The following PDE10A variants were observed in gnomAD, a reference collection of about 807,000 sequenced individuals.
PDE10A encodes cAMP and cAMP-inhibited cGMP 3',5'-cyclic phosphodiesterase 10A.
Under a neutral mutation model 97.7 loss-of-function variants are expected in PDE10A, and 39 were observed. That is an observed-to-expected ratio of 0.40 (90% CI 0.31 to 0.52). The LOEUF is 0.52. Ranked by LOEUF, PDE10A falls within the 20% of genes least tolerant of loss-of-function variation. PDE10A has a pLI of 0.56. For missense variants in PDE10A, 731 were observed against 1,047.8 expected (o/e 0.70, Z 4.17); for synonymous variants, 371 against 376.8 (o/e 0.98, Z 0.18).
intron 1 of PDE10A, among the ~76,000 whole-genome samples, chr6:165,723,985 A>T (rs1372773315): frequency 6.6e-6 from 1 of 152,208 alleles, no homozygotes; most frequent in East Asian, 1.9e-4. Flanking sequence ...GCGATTCCAC[A>T]ATCAGGGCTA....
chr6:165,666,902 T>G (rs918715758), upstream of PDE10A, among the ~76,000 whole-genome samples: 1 of 152,206 alleles, frequency 6.6e-6, no homozygotes, highest in Non-Finnish European at 1.5e-5. Flanking sequence ...ATTCATAGCC[T>G]TTAATGAAGG....
At position 165,418,193 on chromosome 6, in the gene PDE10A, T is replaced by A. The variant is rs1371295608; in HGVS notation, c.1796+442A>T. On this transcript the variant is annotated intron_variant, in intron 11 of 21. Coordinates refer to ENST00000539869, the MANE Select transcript of PDE10A (RefSeq NM_001385079.1). This position sits in a 1 kb window ranked among gnomAD's most constrained non-coding sequence, Gnocchi z 4.8. The stretch of plus-strand genomic sequence containing the variant: ...AAAACAGCTGGTCAGTCACAGAGTG[T>A]ATTTAAGTCATCAAATATACCAGAT... 6.6e-6 allele frequency among the ~76,000 whole-genome samples: 1 copy of A among 152,218 alleles called. No homozygotes were observed. The highest frequency in any genetic ancestry group is 2.4e-5 in the African/African-American group (1 of 41,458).
chr6:165,644,272 A>G (rs1789284748), intron 1 of PDE10A, among the ~76,000 whole-genome samples: 2 of 152,156 alleles, frequency 1.3e-5, no homozygotes, highest in Admixed American at 6.5e-5. Context: ...TGTGTTAGCC[A>G]GGATGGTCTC....
At chr6:165,656,254 TCTCTCACACA>T (rs1334188927) in intron 1 of PDE10A, among the ~76,000 whole-genome samples, 18 of 101,080 alleles carry the variant, frequency 1.8e-4, no homozygotes, top group Admixed American at 1.5e-3. Context: ...TCTCTCTCTC[TCTCTCACACA>T]CACACACACA....
At chr6:165,369,076 T>C (rs1784022774) in intron 18 of PDE10A, among the ~76,000 whole-genome samples, 1 of 151,956 alleles carries the variant, frequency 6.6e-6, no homozygotes, top group Admixed American at 6.6e-5. Context: ...AAAACCCATC[T>C]GTACATCACC....
chr6:165,678,700 C>A (rs1399918540), intron 1 of PDE10A, among the ~76,000 whole-genome samples: 1 of 152,204 alleles, frequency 6.6e-6, no homozygotes, highest in Non-Finnish European at 1.5e-5. Context: ...CTTCCGCCCA[C>A]ACTCAGCATC....
intron 1 of PDE10A, among the ~76,000 whole-genome samples, chr6:165,720,311 C>A (rs1792133408): frequency 6.6e-6 from 1 of 152,110 alleles, no homozygotes; most frequent in African/African-American, 2.4e-5. Flanking sequence ...TGAATTGCAG[C>A]ATGTCCTGCT....
rs57923490 is a variant in PDE10A at position 165,645,853 on chromosome 6, C to CA, written c.865+16093dup. Among the ~76,000 whole-genome samples, 236 of 101,216 alleles carry CA rather than the reference C, an allele frequency of 2.3e-3. 5 individuals are homozygous for CA. Among genetic ancestry groups the CA allele is most frequent in the Middle Eastern group, 8.5e-3 (1 of 118 alleles). The allele number at this position is 101,216 out of a possible 152,430, so 66.4% of individuals were successfully genotyped here. On this transcript the variant is annotated intron_variant, in intron 1 of 21. Coordinates refer to ENST00000539869, the MANE Select transcript of PDE10A (RefSeq NM_001385079.1). ...TGGGCAGCAGAGCAAGACTCCATCTCAAAAAAAAAAAAAAAAGTTTACTTC... is the reference window on the plus strand; with the variant it reads ...TGGGCAGCAGAGCAAGACTCCATCTCAAAAAAAAAAAAAAAAAGTTTACTTC...
intron 1 of PDE10A, among the ~76,000 whole-genome samples, chr6:165,621,207 A>C (rs1562636948): frequency 6.6e-6 from 1 of 151,910 alleles, no homozygotes; most frequent in Non-Finnish European, 1.5e-5. Flanking sequence ...CATTAAGTTC[A>C]GTATATTTTA....
intron 1 of PDE10A, among the ~76,000 whole-genome samples, chr6:165,563,479 T>A (rs1471878300): frequency 6.6e-6 from 1 of 152,138 alleles, no homozygotes; most frequent in African/African-American, 2.4e-5. Flanking sequence ...GTTTCTTGAG[T>A]GATGCAGCCT....
At chr6:165,636,278 T>C (rs757733768) in intron 1 of PDE10A, among the ~76,000 whole-genome samples, 1 of 152,124 alleles carries the variant, frequency 6.6e-6, no homozygotes, top group Admixed American at 6.6e-5. Context: ...TCACTGGCTA[T>C]GTGAAAAGGA....
chr6:165,903,150 G>A (rs1782160924), intron 1 of PDE10A, among the ~76,000 whole-genome samples: 1 of 152,186 alleles, frequency 6.6e-6, no homozygotes, highest in Admixed American at 6.5e-5. Context: ...ATGTTTGTAA[G>A]TTAGGTGGGG....
chr6:165,812,166 T>C lies in PDE10A; in HGVS notation c.-615+175363A>G, dbSNP rs372411759. Among the ~76,000 whole-genome samples, 8 of 152,316 alleles carry C rather than the reference T, an allele frequency of 5.3e-5. No homozygotes were observed. The South Asian group carries it at 1.4e-3, about 28-fold the overall frequency. ...CCACCTAGCCAAGCCAGTGTCTTTA[T>C]AATAAACCACCTCATGTTCTTTCAG... is the stretch of plus-strand genomic sequence containing the variant. On this transcript the variant is annotated intron_variant, in intron 1 of 19. Coordinates refer to the PDE10A transcript ENST00000366882.
chr6:165,679,392 T>C (rs1487908031), intron 1 of PDE10A, among the ~76,000 whole-genome samples: 1 of 152,196 alleles, frequency 6.6e-6, no homozygotes, highest in Non-Finnish European at 1.5e-5. Flanking sequence ...AACCTTCTTC[T>C]AAACTTCCTG....
chr6:165,847,453 A>C (rs1307659053), intron 1 of PDE10A, among the ~76,000 whole-genome samples: 1 of 152,270 alleles, frequency 6.6e-6, no homozygotes, highest in East Asian at 1.9e-4. Flanking sequence ...CCACGGCCAA[A>C]GTGGGCAAAA....
intron 1 of PDE10A, among the ~76,000 whole-genome samples, chr6:165,808,859 A>T (rs1779206055): frequency 6.6e-6 from 1 of 152,216 alleles, no homozygotes; most frequent in Non-Finnish European, 1.5e-5. Flanking sequence ...GTATTAAAAT[A>T]GCAGGGTGGA....
chr6:165,525,405 T>C (rs1012760843), intron 2 of PDE10A, among the ~76,000 whole-genome samples: 15 of 152,012 alleles, frequency 9.9e-5, no homozygotes, highest in African/African-American at 3.1e-4. Flanking sequence ...GAAATATGCA[T>C]TAAAAATGGC....
intron 1 of PDE10A, among the ~76,000 whole-genome samples, chr6:165,874,554 T>C (rs1018990426): frequency 6.6e-6 from 1 of 152,226 alleles, no homozygotes; most frequent in Non-Finnish European, 1.5e-5. Context: ...GATCATTAGA[T>C]GACTACAAAA....
chr6:165,909,674 C>T (rs1487315842), intron 1 of PDE10A, among the ~76,000 whole-genome samples: 1 of 152,210 alleles, frequency 6.6e-6, no homozygotes, highest in African/African-American at 2.4e-5. Flanking sequence ...CAGCTTCTCA[C>T]CTGCTCCTCT....
Sources: allele counts gnomAD v4.1 joint callset (sites outside exome capture counted in the v4.1 genomes callset), GRCh38; gene constraint gnomAD v4.1.1; non-coding constraint Gnocchi (gnomAD v3.1); transcripts MANE v1.5; gene names NCBI Gene and HGNC (gene_info 2026-07-23, HGNC 2026-07-21).